ITFG2: variants seen among roughly 807,000 people sequenced by gnomAD.
ITFG2 encodes integrin alpha FG-GAP repeat containing 2.
A neutral mutation model predicts 54.4 loss-of-function variants in ITFG2; 36 were observed. That is an observed-to-expected ratio of 0.66 (90% CI 0.51 to 0.87). The LOEUF (loss-of-function observed/expected upper bound fraction) is 0.87. Among genes scored for constraint, ITFG2 ranks in the 40% least tolerant of loss-of-function variants. The pLI, the probability that ITFG2 is intolerant of heterozygous loss-of-function variation, is 0.00. For synonymous variants in ITFG2, 211 were observed against 225.4 expected, an observed-to-expected ratio of 0.94 and a Z score of 0.57; for missense variants, 524 against 576.7, an observed-to-expected ratio of 0.91 and a Z score of 0.94.
intron 2 of ITFG2, among the ~76,000 whole-genome samples, chr12:2,843,045 G>A (rs1240106719): frequency 1.3e-5 from 2 of 152,122 alleles, no homozygotes; most frequent in African/African-American, 4.8e-5. Flanking sequence ...GTCTCTGCTG[G>A]TGGGGATGGA....
intron 1 of ITFG2, among the ~76,000 whole-genome samples, chr12:2,840,663 G>C (rs1413739638): frequency 6.6e-6 from 1 of 152,090 alleles, no homozygotes; most frequent in Non-Finnish European, 1.5e-5. Context: ...GCGGGCGCCT[G>C]TAGTCCCAGC....
intron 1 of ITFG2, among the ~76,000 whole-genome samples, chr12:2,840,061 G>A (rs1173953866): frequency 8.0e-5 from 12 of 150,052 alleles, no homozygotes; most frequent in Non-Finnish European, 2.9e-5. Flanking sequence ...ACCATGCACT[G>A]TGCCCTTCTA....
At position 2,845,590 on chromosome 12, in the gene ITFG2, T is replaced by A. The variant is rs944821061; in HGVS notation, n.300+4595T>A. Among the ~76,000 whole-genome samples the A allele has an allele frequency of 2.6e-5, 4 of 152,110 alleles. No homozygotes were observed. Among genetic ancestry groups the A allele is most frequent in the Non-Finnish European group, 1.5e-5 (1 of 68,022 alleles). On this transcript the variant is annotated intron_variant and non_coding_transcript_variant, in intron 2 of 3. Coordinates refer to the ITFG2 transcript ENST00000537710. The surrounding 1 kb of genome is among the most constrained non-coding windows in gnomAD (Gnocchi z 4.2). ...CTTTGCTGGGATTAACTGTTGTCCG[T>A]GAAGCTGGTGGCATTCAGCAGGGCA...
In ITFG2 at chr12:2,821,829, G is replaced by A. The variant is rs201412743; in HGVS notation, c.948+37G>A. On this transcript the variant is annotated intron_variant, in intron 9 of 11. Transcript: ENST00000228799. Reference sequence around the variant, plus strand: ...ACCTGGCAGAGCAGAGCATTCCTGCGTTTTCCACATGGAGAGATGAGATTT... The same window carrying A: ...ACCTGGCAGAGCAGAGCATTCCTGCATTTTCCACATGGAGAGATGAGATTT... 31 of 1,477,200 alleles carry A rather than the reference G, an allele frequency of 2.1e-5. 1 individual carries two copies. Among genetic ancestry groups the A allele is most frequent in the South Asian group, 1.3e-4 (11 of 87,088 alleles). The allele number at this position is 1,477,200 out of a possible 1,614,324, so 91.5% of individuals were successfully genotyped here.
chr12:2,854,473 G>A (rs944109777), intron 2 of ITFG2, among the ~76,000 whole-genome samples: 1 of 152,208 alleles, frequency 6.6e-6, no homozygotes, highest in Non-Finnish European at 1.5e-5. Flanking sequence ...GATGGGGTTG[G>A]AACTGTACTC....
chr12:2,817,354 G>A (rs1314906427), intron 2 of ITFG2, 36 bp downstream of exon 2: 4 of 1,493,464 alleles, frequency 2.7e-6, no homozygotes, highest in East Asian at 2.3e-5. Context: ...GAGGGGGGAA[G>A]GGATCCCTTC....
At chr12:2,847,234 C>T (rs2098055596) in intron 2 of ITFG2, among the ~76,000 whole-genome samples, 1 of 152,018 alleles carries the variant, frequency 6.6e-6, no homozygotes, top group African/African-American at 2.4e-5. Context: ...TAACATTTAC[C>T]TTTTAATCAT....
Position 2,812,847 on chromosome 12 carries a change from T to C in ITFG2, c.87T>C (p.Asp29=). ...FPHAICLGDV[D]NDTLNELVVG... is the part of the protein sequence containing the mutation. ...ACGCAATCTGCCTCGGAGACGTTGA[T>C]AACGATACGGTAGGTGCATGCGCAC... Residue 29 remains aspartate (D), a synonymous_variant, in exon 1 of 12, where the codon GAT becomes GAC. Coordinates refer to ENST00000228799, the MANE Select transcript of ITFG2 (RefSeq NM_018463.4). 2 of 1,611,754 alleles carry C rather than the reference T, an allele frequency of 1.2e-6. No individual in the cohort carries two copies. The highest frequency in any genetic ancestry group is 1.7e-6 in the Non-Finnish European group (2 of 1,178,598).
chr12:2,819,771 G>T, intron 4 of ITFG2: 3 of 210,606 alleles, frequency 1.4e-5, no homozygotes, highest in East Asian at 1.1e-4. Context: ...AAAAAAAAAA[G>T]TGGCAAGCAA....
At chr12:2,835,051 A>C (rs1042849132), upstream of ITFG2, 12 of 1,457,654 alleles carry the variant, frequency 8.2e-6, no homozygotes, top group African/African-American at 9.9e-5. Context: ...TCCGGCTGGA[A>C]AAACCCAGTC....
downstream of ITFG2, among the ~76,000 whole-genome samples, chr12:2,831,495 A>G (rs1033550816): frequency 2.6e-5 from 4 of 152,072 alleles, no homozygotes; most frequent in African/African-American, 9.7e-5. Flanking sequence ...GAAGTGTGAT[A>G]GTCACCTGAA....
intron 2 of ITFG2, among the ~76,000 whole-genome samples, chr12:2,855,615 G>A (rs1177315789): frequency 1.3e-5 from 2 of 152,262 alleles, no homozygotes; most frequent in Middle Eastern, 3.4e-3. Flanking sequence ...CCTTCCCGGC[G>A]GAAGTTATGG....
At chr12:2,828,547 G>A (rs2097982221), downstream of ITFG2, 1 of 744,088 alleles carries the variant, frequency 1.3e-6, no homozygotes, top group African/African-American at 1.8e-5. Context: ...TTTAAAACTG[G>A]CTTTTATCGG....
chr12:2,849,217 C>A (rs1284714849), intron 2 of ITFG2: 4 of 1,530,666 alleles, frequency 2.6e-6, no homozygotes, highest in Non-Finnish European at 3.5e-6. Context: ...CGATCGTCCC[C>A]TCTGGAAGCC....
intron 3 of ITFG2, chr12:2,859,366 A>G: frequency 6.2e-7 from 1 of 1,613,252 alleles, no homozygotes; most frequent in South Asian, 1.1e-5. Context: ...CGGGTTGGGG[A>G]CCTAAGCCCA....
intron 2 of ITFG2, among the ~76,000 whole-genome samples, chr12:2,844,246 A>G (rs999309222): frequency 6.6e-6 from 1 of 151,862 alleles, no homozygotes; most frequent in African/African-American, 2.4e-5. Flanking sequence ...TGAGAGTGAG[A>G]CCCTGTCTCA....
At chr12:2,830,871 C>T in exon 3 of ITFG2, 1 of 1,610,474 alleles carries the variant, frequency 6.2e-7, no homozygotes, top group Non-Finnish European at 8.5e-7. Context: ...CTGGCTCCAT[C>T]ACAAAACAAT....
intron 2 of ITFG2, among the ~76,000 whole-genome samples, chr12:2,846,877 T>C (rs1382295351): frequency 6.6e-6 from 1 of 152,102 alleles, no homozygotes; most frequent in Admixed American, 6.6e-5. Context: ...GTTCGATGTA[T>C]TACATTATTT....
intron 1 of ITFG2, among the ~76,000 whole-genome samples, chr12:2,840,471 G>A (rs991943533): frequency 6.8e-6 from 1 of 146,230 alleles, no homozygotes; most frequent in East Asian, 2.0e-4. Context: ...AAAAAAAAAG[G>A]ATTTAATTTC....
Sources: gnomAD v4.1 joint callset for allele counts (sites outside exome capture counted in the v4.1 genomes callset) on GRCh38, gnomAD v4.1.1 for gene constraint, Gnocchi (gnomAD v3.1) non-coding constraint, MANE v1.5 for transcripts, NCBI Gene and HGNC (gene_info 2026-07-23, HGNC 2026-07-21) for gene names.